The following RAB21 variants were observed in gnomAD, a reference collection of about 807,000 sequenced individuals.
RAB21 encodes the protein RAB21, member RAS oncogene family.
RAB21 carries 13 observed loss-of-function variants against 33.1 expected under a neutral mutation model. That is an observed-to-expected ratio of 0.39 (90% confidence interval 0.26 to 0.62). The LOEUF (loss-of-function observed/expected upper bound fraction) is 0.62, where lower values mean the gene tolerates loss of function less well. Ranked by LOEUF, RAB21 falls within the 20% of genes least tolerant of loss-of-function variation. The pLI, the probability that RAB21 is intolerant of heterozygous loss-of-function variation, is 0.48. For synonymous variants in RAB21, 91 were observed against 103.7 expected (o/e 0.88, Z 0.74); for missense variants, 234 against 279.1 (o/e 0.84, Z 1.15).
chr12:71,764,083 C>G (rs1882919731), intron 1 of RAB21, among the ~76,000 whole-genome samples: 1 of 152,152 alleles, frequency 6.6e-6, no homozygotes, highest in African/African-American at 2.4e-5. Context: ...TCCTATAGTC[C>G]TAGAACCTTT....
intron 6 of RAB21, 131 bp from the exon 7 acceptor site, chr12:71,785,400 A>G (rs990079482): frequency 1.9e-6 from 2 of 1,050,612 alleles, no homozygotes; most frequent in Non-Finnish European, 2.7e-6. Flanking sequence ...GAGCTGACCC[A>G]ATGTTCATTA....
rs971048385 is a variant in RAB21 at position 71,798,902 on chromosome 12, G to A, written c.*13229G>A. 5 of 151,898 alleles carry A rather than the reference G, an allele frequency of 3.3e-5. No individual in the cohort carries two copies. Among genetic ancestry groups the A allele is most frequent in the Non-Finnish European group, 5.9e-5 (4 of 68,014 alleles). 9.4% of individuals were successfully genotyped at this position (151,898 alleles called of 1,614,324 possible). A position where few individuals can be genotyped will look rare whatever the true frequency, so the allele number is the denominator to read the frequency against. On this transcript the variant is annotated 3_prime_UTR_variant, in exon 7 of 7. Transcript: ENST00000261263. ...GTTACCCAGAACTTTTTATGCAGAT[G>A]GGGGGGCAGTCTGAATGCTAATTAA...
intron 4 of RAB21, among the ~76,000 whole-genome samples, chr12:71,776,765 T>C (rs937819815): frequency 1.8e-4 from 28 of 151,980 alleles, no homozygotes; most frequent in South Asian, 1.2e-3. Flanking sequence ...CCCAAACTTA[T>C]TAGGATAACT....
At position 71,782,559 on chromosome 12, in the gene RAB21, T is replaced by G; in HGVS notation, c.447-11T>G. On this transcript the variant is annotated splice_polypyrimidine_tract_variant and intron_variant, in intron 5 of 6. Transcript: ENST00000261263. Reference sequence around the variant, plus strand: ...ATTTTACATCAATCACCGATGTTACTTTTTTTTAAGGTATGCAGAATCTGT... The same window carrying G: ...ATTTTACATCAATCACCGATGTTACGTTTTTTTAAGGTATGCAGAATCTGT... 6.6e-7 allele frequency: 1 copy of G among 1,526,232 alleles called. No individual in the cohort carries two copies. The highest frequency in any genetic ancestry group is 8.9e-7 in the Non-Finnish European group (1 of 1,120,686). 94.5% of individuals were successfully genotyped at this position (1,526,232 alleles called of 1,614,324 possible). A position where few individuals can be genotyped will look rare whatever the true frequency, so the allele number is the denominator to read the frequency against.
At position 71,770,778 on chromosome 12, in the gene RAB21, A is replaced by G. The variant is rs537701821; in HGVS notation, c.327+79A>G. 7.4e-5 allele frequency: 66 copies of G among 886,626 alleles called. No individual in the cohort carries two copies. In the South Asian group the frequency reaches 7.6e-4, roughly 10 times the overall value. The allele number at this position is 886,626 out of a possible 1,614,324, so 54.9% of individuals were successfully genotyped here. A position where few individuals can be genotyped will look rare whatever the true frequency, so the allele number is the denominator to read the frequency against. On this transcript the variant is annotated intron_variant, in intron 3 of 6. Transcript: ENST00000261263. ...TCCATTAATATACCTTTATTCACTAATGTGATTAGTTTTCTTTTTAAAAAT... is the reference window on the plus strand; with the variant it reads ...TCCATTAATATACCTTTATTCACTAGTGTGATTAGTTTTCTTTTTAAAAAT...
chr12:71,780,151 TG>T (rs1883176695), intron 4 of RAB21, among the ~76,000 whole-genome samples: 1 of 152,208 alleles, frequency 6.6e-6, no homozygotes, highest in Non-Finnish European at 1.5e-5. Flanking sequence ...AATAAAGCAG[TG>T]TCTGAATTAT....
chr12:71,773,883 G>A (rs1289997159), intron 3 of RAB21, 76 bp from the exon 4 acceptor site: 1 of 985,520 alleles, frequency 1.0e-6, no homozygotes, highest in South Asian at 1.4e-5. Context: ...TTTTGACAGT[G>A]TTGAGTTTTT....
rs983644793 is a variant in RAB21, at chr12:71,785,741, C to T, written c.*68C>T. ...ATCATTGCCCTCAACATGAAGACTG[C>T]CATATTCCAAGTCACATTATTTTAC... On this transcript the variant is annotated 3_prime_UTR_variant, in exon 7 of 7. Coordinates refer to ENST00000261263, the MANE Select transcript of RAB21 (RefSeq NM_014999.4). The T allele has an allele frequency of 2.6e-6, 4 of 1,532,496 alleles. No homozygotes were observed. The highest frequency in any genetic ancestry group is 2.8e-5 in the African/African-American group (2 of 72,690). 94.9% of individuals were successfully genotyped at this position (1,532,496 alleles called of 1,614,324 possible). A position where few individuals can be genotyped will look rare whatever the true frequency, so the allele number is the denominator to read the frequency against.
At chr12:71,765,807 A>G (rs752358390) in intron 1 of RAB21, among the ~76,000 whole-genome samples, 1 of 152,078 alleles carries the variant, frequency 6.6e-6, no homozygotes, top group Non-Finnish European at 1.5e-5. Flanking sequence ...CCATTGGTCT[A>G]CGTGCCTATT....
At chr12:71,784,452 T>TG (rs1162695052) in intron 6 of RAB21, among the ~76,000 whole-genome samples, 1 of 152,204 alleles carries the variant, frequency 6.6e-6, no homozygotes, top group Non-Finnish European at 1.5e-5. Context: ...TGTCTTACAT[T>TG]TAAGTGTATA....
chr12:71,758,773 C>T (rs1296520100), intron 1 of RAB21, among the ~76,000 whole-genome samples: 2 of 152,160 alleles, frequency 1.3e-5, no homozygotes, highest in Non-Finnish European at 2.9e-5. Flanking sequence ...GCCACTGTGC[C>T]TGGCCCTTTC....
At position 71,755,286 on chromosome 12, in the gene RAB21, C is replaced by T; in HGVS notation, c.157C>T (p.Gln53Ter). ...KFNDKHITTL[Q>*]ASFLTKKLNI... Reference sequence around the variant, plus strand: ...TAACGACAAGCACATCACCACTCTGCAGGTGCGGACCTCGGGGAGCGGGAG... The same window carrying T: ...TAACGACAAGCACATCACCACTCTGTAGGTGCGGACCTCGGGGAGCGGGAG... Residue 53 changes from glutamine (Q) to a stop codon, truncating the protein, a stop_gained and splice_region_variant, in exon 1 of 7, where the codon CAG becomes TAG. Coordinates refer to ENST00000261263, the MANE Select transcript of RAB21 (RefSeq NM_014999.4). LOFTEE classifies it high-confidence loss of function. 1 of 1,518,762 alleles carries T rather than the reference C, an allele frequency of 6.6e-7. No individual in the cohort carries two copies. The allele number at this position is 1,518,762 out of a possible 1,614,324, so 94.1% of individuals were successfully genotyped here.
At chr12:71,778,199 C>T (rs910987191) in intron 4 of RAB21, among the ~76,000 whole-genome samples, 1 of 152,150 alleles carries the variant, frequency 6.6e-6, no homozygotes, top group Non-Finnish European at 1.5e-5. Flanking sequence ...TAGAGAACCA[C>T]ATGTTTCAAT....
chr12:71,768,883 A>G (rs1049374227), intron 1 of RAB21, among the ~76,000 whole-genome samples: 5 of 152,192 alleles, frequency 3.3e-5, no homozygotes, highest in Non-Finnish European at 7.3e-5. Flanking sequence ...GTTAATGTGC[A>G]TTGTTGGTGT....
At chr12:71,767,412 C>T (rs145681796) in intron 1 of RAB21, among the ~76,000 whole-genome samples, 1 of 152,230 alleles carries the variant, frequency 6.6e-6, no homozygotes, top group East Asian at 1.9e-4. Flanking sequence ...TAGCTGTCAG[C>T]AGGGATGTTC....
chr12:71,783,648 T>C (rs1190845397), intron 6 of RAB21, among the ~76,000 whole-genome samples: 1 of 152,184 alleles, frequency 6.6e-6, no homozygotes, highest in African/African-American at 2.4e-5. Flanking sequence ...CTAGGGATGG[T>C]GCCCAGAATC....
intron 4 of RAB21, among the ~76,000 whole-genome samples, chr12:71,781,338 A>G (rs918212947): frequency 6.0e-4 from 85 of 140,776 alleles, no homozygotes; most frequent in African/African-American, 1.9e-3. Context: ...GCGTGGTGGC[A>G]GGCACCTGTA....
At position 71,790,294 on chromosome 12, in the gene RAB21, CTTGATT is replaced by C. The variant is rs1235531237; in HGVS notation, c.*4627_*4632del. The C allele has an allele frequency of 6.6e-6, 1 of 152,156 alleles. No homozygotes were observed. Among genetic ancestry groups the C allele is most frequent in the Non-Finnish European group, 1.5e-5 (1 of 68,016 alleles). The allele number at this position is 152,156 out of a possible 1,614,324, so 9.4% of individuals were successfully genotyped here. On this transcript the variant is annotated 3_prime_UTR_variant, in exon 7 of 7. Transcript: ENST00000261263. ...TATTCCCACTATACCAGTTCTCAGT[CTTGATT>C]TTGATACTTTCTGGCAACTGTATCA...
chr12:71,775,881 A>G (rs1565891330), intron 4 of RAB21, among the ~76,000 whole-genome samples: 1 of 152,060 alleles, frequency 6.6e-6, no homozygotes, highest in Non-Finnish European at 1.5e-5. Flanking sequence ...TCTTGCCACC[A>G]TTACATTGGT....
Sources: allele counts gnomAD v4.1 joint callset (sites outside exome capture counted in the v4.1 genomes callset), GRCh38; gene constraint gnomAD v4.1.1; transcripts MANE v1.5; gene names NCBI Gene and HGNC (gene_info 2026-07-23, HGNC 2026-07-21).